Variants in DNM3 observed in about 807,000 individuals in gnomAD.
DNM3 encodes dynamin-3.
In DNM3, 47 loss-of-function variants were observed where a neutral mutation model predicts 101.6. The observed-to-expected ratio is 0.46, with a 90% CI of 0.37 to 0.59. The LOEUF (loss-of-function observed/expected upper bound fraction) is 0.59, where lower values mean the gene tolerates loss of function less well. Among genes scored for constraint, DNM3 ranks in the 20% least tolerant of loss-of-function variants. The pLI is 0.00. For synonymous variants in DNM3, 385 were observed against 387.9 expected (o/e 0.99, Z 0.09); for missense variants, 849 against 1,085.7 (o/e 0.78, Z 3.06).
At chr1:171,891,250 A>G (rs781328651) in intron 1 of DNM3, among the ~76,000 whole-genome samples, 5 of 152,192 alleles carry the variant, frequency 3.3e-5, no homozygotes, top group African/African-American at 7.2e-5. Context: ...CGTCCTATAC[A>G]GTAAACATCA....
At chr1:171,961,469 G>A (rs552917856) in intron 2 of DNM3, among the ~76,000 whole-genome samples, 4 of 152,294 alleles carry the variant, frequency 2.6e-5, no homozygotes, top group South Asian at 4.2e-4. Context: ...AGGATGTGGA[G>A]AAATTGGAAC....
intron 14 of DNM3, among the ~76,000 whole-genome samples, chr1:172,152,227 G>A (rs1035018603): frequency 4.0e-5 from 6 of 151,348 alleles, no homozygotes; most frequent in Admixed American, 6.6e-5. Flanking sequence ...CCTTCTGCTA[G>A]TGGTAAAGCC....
intron 17 of DNM3, among the ~76,000 whole-genome samples, chr1:172,333,288 G>T (rs1033851382): frequency 1.3e-5 from 2 of 152,186 alleles, no homozygotes; most frequent in African/African-American, 4.8e-5. Context: ...GGAAGGTGGT[G>T]GCGGGGAGCA....
intron 2 of DNM3, among the ~76,000 whole-genome samples, chr1:171,947,544 T>G (rs1043889980): frequency 8.5e-5 from 13 of 152,184 alleles, no homozygotes; most frequent in African/African-American, 2.4e-4. Flanking sequence ...ATATTTGAAT[T>G]TACTTTTCAA....
chr1:171,854,088 T>G (rs2033298792), intron 1 of DNM3, among the ~76,000 whole-genome samples: 1 of 152,108 alleles, frequency 6.6e-6, no homozygotes, highest in African/African-American at 2.4e-5. Flanking sequence ...GACACTGTTT[T>G]GGGATGGAAA....
At chr1:172,251,113 C>T (rs1415201035) in intron 14 of DNM3, among the ~76,000 whole-genome samples, 2 of 152,140 alleles carry the variant, frequency 1.3e-5, no homozygotes, top group African/African-American at 2.4e-5. Context: ...TGCTCAGTAA[C>T]TGCCTGTGGC....
At chr1:171,935,962 G>A (rs2041385754) in intron 2 of DNM3, among the ~76,000 whole-genome samples, 1 of 151,084 alleles carries the variant, frequency 6.6e-6, no homozygotes, top group Non-Finnish European at 1.5e-5. Context: ...GTATTACAGT[G>A]TTGCTAATTT....
At chr1:172,415,164 T>C (rs144639662), downstream of DNM3, 181 of 152,344 alleles carry the variant, frequency 1.2e-3, no homozygotes, top group African/African-American at 4.1e-3. Flanking sequence ...TCTGGTACTT[T>C]GTCAAAGGAG....
At chr1:172,061,862 A>C (rs2051250659) in intron 10 of DNM3, among the ~76,000 whole-genome samples, 1 of 152,136 alleles carries the variant, frequency 6.6e-6, no homozygotes, top group African/African-American at 2.4e-5. Flanking sequence ...GAAAGAAAAA[A>C]ATTAAAAAAA....
At chr1:172,318,455 T>C (rs1387700298) in intron 16 of DNM3, among the ~76,000 whole-genome samples, 1 of 152,230 alleles carries the variant, frequency 6.6e-6, no homozygotes, top group Non-Finnish European at 1.5e-5. Context: ...TTGTCCCTGT[T>C]TGCAGACGAC....
At chr1:172,162,119 G>A (rs189494112) in intron 14 of DNM3, among the ~76,000 whole-genome samples, 3 of 152,154 alleles carry the variant, frequency 2.0e-5, no homozygotes, top group Non-Finnish European at 4.4e-5. Context: ...ACTTATGTTA[G>A]TAAATATTTT....
At chr1:172,165,250 A>C (rs187152844) in intron 14 of DNM3, among the ~76,000 whole-genome samples, 147 of 152,212 alleles carry the variant, frequency 9.7e-4, no homozygotes, top group Non-Finnish European at 1.8e-3. Flanking sequence ...ATTATCTCAA[A>C]AAAGTTTTTT....
At chr1:172,057,046 T>C (rs1272514133) in intron 10 of DNM3, among the ~76,000 whole-genome samples, 14 of 151,928 alleles carry the variant, frequency 9.2e-5, no homozygotes, top group Non-Finnish European at 8.8e-5. Flanking sequence ...ACGTGAAGAA[T>C]TCAGAAGCCT....
chr1:172,131,662 A>G (rs75896557), intron 14 of DNM3: 3,401 of 236,280 alleles, frequency 0.014, 109 homozygotes, highest in African/African-American at 0.071. Flanking sequence ...TAAGAGTGAA[A>G]TTAATAATAT....
intron 14 of DNM3, chr1:172,140,135 GA>G (rs1385589385): frequency 4.0e-5 from 6 of 151,888 alleles, no homozygotes; most frequent in Non-Finnish European, 5.9e-5. Flanking sequence ...AAACTTAATG[GA>G]AAGCAAAATA....
At chr1:172,121,727 T>C (rs947002124) in intron 13 of DNM3, among the ~76,000 whole-genome samples, 16 of 152,346 alleles carry the variant, frequency 1.1e-4, no homozygotes, top group African/African-American at 3.8e-4. Context: ...TTTAAACTTA[T>C]GCCTGTGTTA....
chr1:172,358,224 G>C (rs1254787693), intron 17 of DNM3, among the ~76,000 whole-genome samples: 1 of 152,064 alleles, frequency 6.6e-6, no homozygotes, highest in East Asian at 1.9e-4. Flanking sequence ...TTTAAATCTT[G>C]CTAACTTGTG....
Position 172,388,556 on chromosome 1 carries a change from T to C in DNM3, c.2286-17T>C, listed in dbSNP as rs2069332867. ...GAAAGGAGGAGTGAGCAAACTATGA[T>C]TTCTCTTTTTCCTCAGGTCACCTCC... On this transcript the variant is annotated splice_polypyrimidine_tract_variant and intron_variant, in intron 19 of 20. Coordinates refer to ENST00000627582, the MANE Select transcript of DNM3 (RefSeq NM_015569.5). 6.2e-7 allele frequency: 1 copy of C among 1,601,268 alleles called. No homozygotes were observed. Among genetic ancestry groups the C allele is most frequent in the African/African-American group, 1.3e-5 (1 of 74,766 alleles).
At chr1:172,368,474 G>T (rs2068145281) in intron 17 of DNM3, among the ~76,000 whole-genome samples, 1 of 151,710 alleles carries the variant, frequency 6.6e-6, no homozygotes, top group Admixed American at 6.6e-5. Context: ...TACAGCAAAA[G>T]CAGTAGTAAG....
Sources: allele counts gnomAD v4.1 joint callset (sites outside exome capture counted in the v4.1 genomes callset), GRCh38; gene constraint gnomAD v4.1.1; transcripts MANE v1.5; gene names NCBI Gene and HGNC (gene_info 2026-07-23, HGNC 2026-07-21).